The following RLF variants were observed in gnomAD, a reference collection of about 807,000 sequenced individuals.
RLF encodes RLF zinc finger, also known as zinc finger protein Rlf.
RLF carries 7 observed loss-of-function variants against 162.9 expected under a neutral mutation model. The observed-to-expected ratio is 0.04, with a 90% CI of 0.02 to 0.08. The LOEUF (loss-of-function observed/expected upper bound fraction) is 0.08. Ranked by LOEUF, RLF falls within the 10% of genes least tolerant of loss-of-function variation. RLF has a pLI of 1.00. For synonymous variants in RLF, 782 were observed against 791.5 expected (o/e 0.99, Z 0.20); for missense variants, 1,664 against 2,244.7 (o/e 0.74, Z 5.23).
At chr1:40,180,232 C>T (rs932065049) in intron 1 of RLF, among the ~76,000 whole-genome samples, 6 of 152,076 alleles carry the variant, frequency 3.9e-5, no homozygotes, top group African/African-American at 1.4e-4. Flanking sequence ...TCTCCACACC[C>T]TTGCTAACAC....
At chr1:40,170,211 A>T (rs1207913085) in intron 1 of RLF, among the ~76,000 whole-genome samples, 2 of 151,884 alleles carry the variant, frequency 1.3e-5, no homozygotes, top group African/African-American at 4.8e-5. Flanking sequence ...ACTAGTTTTA[A>T]TTATTTAGTT....
At chr1:40,204,417 T>C (rs971645701) in intron 5 of RLF, among the ~76,000 whole-genome samples, 2 of 151,904 alleles carry the variant, frequency 1.3e-5, no homozygotes, top group Admixed American at 1.3e-4. Context: ...GGGCCAAATT[T>C]ACATGGAGAA....
chr1:40,240,377 A>T lies in RLF; in HGVS notation c.5675A>T (p.Lys1892Met), dbSNP rs1427806815. The T allele has an allele frequency of 6.2e-7, 1 of 1,614,020 alleles. No individual in the cohort carries two copies. Among genetic ancestry groups the T allele is most frequent in the Non-Finnish European group, 8.5e-7 (1 of 1,180,034 alleles). The change falls in exon 8 of 8, where the codon AAG becomes ATG. Residue 1892 changes from lysine (K) to methionine (M), a missense_variant. Coordinates refer to ENST00000372771, the MANE Select transcript of RLF (RefSeq NM_012421.4). ...LRPVVVLERS[K>M]FSTPILDLFP... The stretch of plus-strand genomic sequence containing the variant: ...CCAGTGGTGGTTCTTGAAAGATCTA[A>T]GTTTTCCACACCAATTTTAGACTTA...
rs759069992 is a variant in RLF at position 40,237,822 on chromosome 1, A to G, written c.3120A>G (p.Gln1040=). 9 of 1,614,156 alleles carry G rather than the reference A, an allele frequency of 5.6e-6. No individual in the cohort carries two copies. Among genetic ancestry groups the G allele is most frequent in the Non-Finnish European group, 6.8e-6 (8 of 1,179,998 alleles). ...ACATTAAATGTAAACGAGAACATCA[A>G]GGTTATTCCTCAGAATCCTCCATTT... is the stretch of plus-strand genomic sequence containing the variant. ...NIHIKCKREH[Q]GYSSESSICA... Residue 1040 remains glutamine (Q), a synonymous_variant, in exon 8 of 8, where the codon CAA becomes CAG. Coordinates refer to ENST00000372771, the MANE Select transcript of RLF (RefSeq NM_012421.4). This position sits in a 1 kb window ranked among gnomAD's most constrained non-coding sequence, Gnocchi z 4.4.
At position 40,237,010 on chromosome 1, in the gene RLF, C is replaced by T. The variant is rs752951336; in HGVS notation, c.2308C>T (p.Arg770Cys). 5.6e-6 allele frequency: 9 copies of T among 1,614,038 alleles called. No individual in the cohort carries two copies. Among genetic ancestry groups the T allele is most frequent in the African/African-American group, 1.3e-5 (1 of 75,012 alleles). ...CCATAAACAAAAGCATGACGATCTG[C>T]GTTACAAATGTGAATTAAATGGCTG... ...LNHKQKHDDL[R>C]YKCELNGCNI... Residue 770 changes from arginine (R) to cysteine (C), a missense_variant, in exon 8 of 8, where the codon CGT becomes TGT. By Grantham distance (180) the Arg-to-Cys change is radical. Transcript: ENST00000372771. The surrounding 1 kb of genome is among the most constrained non-coding windows in gnomAD (Gnocchi z 4.4).
chr1:40,215,043 A>G (rs1329214653), intron 5 of RLF, among the ~76,000 whole-genome samples: 3 of 152,090 alleles, frequency 2.0e-5, no homozygotes. Context: ...AAAGTGCAGC[A>G]ACTCAAGTTA....
chr1:40,230,151 A>C (rs1643134813), intron 6 of RLF, among the ~76,000 whole-genome samples: 1 of 152,058 alleles, frequency 6.6e-6, no homozygotes, highest in Non-Finnish European at 1.5e-5. Flanking sequence ...ATCACCTTAC[A>C]AGAGCCCCAG....
chr1:40,179,068 C>T (rs578205136), intron 1 of RLF, among the ~76,000 whole-genome samples: 20 of 152,318 alleles, frequency 1.3e-4, no homozygotes, highest in African/African-American at 4.8e-4. Context: ...CTTCCAGTCT[C>T]AGGTGATCCA....
At chr1:40,179,352 A>G (rs1334766767) in intron 1 of RLF, among the ~76,000 whole-genome samples, 1 of 152,158 alleles carries the variant, frequency 6.6e-6, no homozygotes, top group Non-Finnish European at 1.5e-5. Context: ...ATAAAGTTTG[A>G]ACTTTACAAT....
rs756563621 is a variant in RLF at position 40,240,497 on chromosome 1, G to A, written c.*50G>A. On this transcript the variant is annotated 3_prime_UTR_variant, in exon 8 of 8. Coordinates refer to ENST00000372771, the MANE Select transcript of RLF (RefSeq NM_012421.4). ...ACTGGCTCCAACACTGCAACATGGG[G>A]ACATTTGCCAACTCGAACAAAGGCT... is the stretch of plus-strand genomic sequence containing the variant. The A allele has an allele frequency of 1.5e-6, 2 of 1,339,556 alleles. No individual in the cohort carries two copies. The highest frequency in any genetic ancestry group is 2.1e-6 in the Non-Finnish European group (2 of 954,502). The allele number at this position is 1,339,556 out of a possible 1,614,324, so 83.0% of individuals were successfully genotyped here. A position where few individuals can be genotyped will look rare whatever the true frequency, so the allele number is the denominator to read the frequency against.
At chr1:40,210,435 A>G (rs561890060) in intron 5 of RLF, among the ~76,000 whole-genome samples, 1 of 152,312 alleles carries the variant, frequency 6.6e-6, no homozygotes, top group East Asian at 1.9e-4. Flanking sequence ...ACTAATGAGT[A>G]CTTTGCAGGG....
chr1:40,181,488 C>G (rs989205020), intron 1 of RLF, among the ~76,000 whole-genome samples: 6 of 152,082 alleles, frequency 3.9e-5, no homozygotes, highest in Non-Finnish European at 5.9e-5. Flanking sequence ...GTCTTGGCAT[C>G]CTAGGTGAAA....
At chr1:40,219,905 A>G (rs760180231) in intron 5 of RLF, among the ~76,000 whole-genome samples, 19 of 152,216 alleles carry the variant, frequency 1.2e-4, no homozygotes, top group Non-Finnish European at 2.4e-4. Context: ...ATGTTTACCA[A>G]CAATCCCTGT....
intron 1 of RLF, among the ~76,000 whole-genome samples, chr1:40,167,737 A>G (rs1642186672): frequency 6.7e-6 from 1 of 150,200 alleles, no homozygotes; most frequent in Admixed American, 6.7e-5. Flanking sequence ...CTAATCTTGT[A>G]TGTCCGTCTC....
intron 6 of RLF, among the ~76,000 whole-genome samples, chr1:40,223,393 CAG>C (rs1440530591): frequency 6.6e-6 from 1 of 152,064 alleles, no homozygotes; most frequent in Non-Finnish European, 1.5e-5. Flanking sequence ...TATAGGAGAT[CAG>C]AGAGAGGTGC....
intron 4 of RLF, among the ~76,000 whole-genome samples, chr1:40,201,656 C>T (rs1324153100): frequency 6.7e-6 from 1 of 150,052 alleles, no homozygotes; most frequent in African/African-American, 2.5e-5. Context: ...AATTTGAGGG[C>T]TCATCCAGAG....
At chr1:40,172,970 A>C (rs1032554123) in intron 1 of RLF, among the ~76,000 whole-genome samples, 1 of 152,190 alleles carries the variant, frequency 6.6e-6, no homozygotes, top group African/African-American at 2.4e-5. Flanking sequence ...CGTTTTACTA[A>C]ATCCTTGCCA....
Position 40,198,269 on chromosome 1 carries a change from G to A in RLF, c.607+2505G>A, listed in dbSNP as rs187833258. Among the ~76,000 whole-genome samples the A allele has an allele frequency of 1.3e-3, 202 of 150,288 alleles. 2 individuals are homozygous for A. Among genetic ancestry groups the A allele is most frequent in the Non-Finnish European group, 1.5e-3 (103 of 67,728 alleles). On this transcript the variant is annotated intron_variant, in intron 4 of 7. Coordinates refer to ENST00000372771, the MANE Select transcript of RLF (RefSeq NM_012421.4). ...CTGCCCTCAGCTTCCCAAAGTGCTG[G>A]AATTGCAGGTGTGAGCCACCGCGCC...
In RLF at chr1:40,236,304, G is replaced by A; in HGVS notation, c.1602G>A (p.Glu534=). The change falls in exon 8 of 8, where the codon GAG becomes GAA. Residue 534 remains glutamate (E), a synonymous_variant. Coordinates refer to ENST00000372771, the MANE Select transcript of RLF (RefSeq NM_012421.4). This position sits in a 1 kb window ranked among gnomAD's most constrained non-coding sequence, Gnocchi z 7.7. ...GAGATTTGACAGATCAGCATAAGGA[G>A]AAAAGAGACAAAAAACCTATTGGCT... ...RRRDLTDQHK[E]KRDKKPIGSS... The A allele has an allele frequency of 6.2e-7, 1 of 1,613,942 alleles. No homozygotes were observed. The highest frequency in any genetic ancestry group is 8.5e-7 in the Non-Finnish European group (1 of 1,179,988).
Sources: allele counts gnomAD v4.1 joint callset (sites outside exome capture counted in the v4.1 genomes callset), GRCh38; gene constraint gnomAD v4.1.1; non-coding constraint Gnocchi (gnomAD v3.1); transcripts MANE v1.5; gene names NCBI Gene and HGNC (gene_info 2026-07-23, HGNC 2026-07-21).